RBFOX1: variants seen among roughly 807,000 people sequenced by gnomAD.
The protein encoded by RBFOX1 is RNA binding fox-1 homolog 1.
A neutral mutation model predicts 57.7 loss-of-function variants in RBFOX1; 8 were observed. The observed-to-expected ratio is 0.14, with a 90% confidence interval of 0.08 to 0.25. The LOEUF is 0.25. RBFOX1 is among the 10% of genes least tolerant of loss of function. RBFOX1 has a pLI of 1.00. For synonymous variants in RBFOX1, 326 were observed against 222.4 expected (o/e 1.47, Z -4.15); for missense variants, 611 against 548.5 (o/e 1.11, Z -1.14).
At chr16:6,206,175 G>A (rs978934743) in intron 1 of RBFOX1, among the ~76,000 whole-genome samples, 1 of 152,072 alleles carries the variant, frequency 6.6e-6, no homozygotes, top group African/African-American at 2.4e-5. Context: ...CTCCTCTCTT[G>A]CCTCTCTCCC....
chr16:5,288,450 C>G (rs927249357), intron 1 of RBFOX1, among the ~76,000 whole-genome samples: 3 of 152,098 alleles, frequency 2.0e-5, no homozygotes, highest in African/African-American at 4.8e-5. Flanking sequence ...CAGACAGGTA[C>G]TTTGCCCTTC....
intron 1 of RBFOX1, among the ~76,000 whole-genome samples, chr16:6,035,185 C>G (rs12599018): frequency 0.76 from 115,985 of 152,110 alleles, 44,365 homozygotes; most frequent in East Asian, 0.89. Flanking sequence ...TGGGGTAGAA[C>G]CTTGCCCCAC....
At chr16:7,247,408 A>G (rs976952645) in intron 4 of RBFOX1, among the ~76,000 whole-genome samples, 3 of 152,136 alleles carry the variant, frequency 2.0e-5, no homozygotes, top group African/African-American at 4.8e-5. Context: ...ATACTCCTCT[A>G]TGGTGATCTA....
intron 2 of RBFOX1, among the ~76,000 whole-genome samples, chr16:5,558,134 A>C (rs2342427): frequency 0.23 from 34,524 of 152,126 alleles, 4,221 homozygotes; most frequent in South Asian, 0.38. Context: ...CTCCCAGCCC[A>C]GGTGTGATCC....
intron 4 of RBFOX1, among the ~76,000 whole-genome samples, chr16:7,082,407 C>G (rs1489905124): frequency 6.6e-6 from 1 of 151,800 alleles, no homozygotes; most frequent in Non-Finnish European, 1.5e-5. Context: ...ATGGCACAAC[C>G]CTGCATCTAC....
intron 4 of RBFOX1, among the ~76,000 whole-genome samples, chr16:7,099,984 A>G (rs150666316): frequency 6.6e-6 from 1 of 152,066 alleles, no homozygotes; most frequent in African/African-American, 2.4e-5. Context: ...CTCAGTTCTC[A>G]TCATGGTCTG....
intron 2 of RBFOX1, among the ~76,000 whole-genome samples, chr16:6,560,188 A>G (rs1029493322): frequency 6.6e-6 from 1 of 151,688 alleles, no homozygotes; most frequent in Non-Finnish European, 1.5e-5. Context: ...AAAAAAAAAA[A>G]AAAAAAGTCA....
chr16:7,191,341 A>G (rs1326303273), intron 4 of RBFOX1, among the ~76,000 whole-genome samples: 2 of 42,230 alleles, frequency 4.7e-5, no homozygotes, highest in African/African-American at 1.9e-4. Flanking sequence ...CAAAAAAAGA[A>G]AAAAAAAAAA....
chr16:5,380,981 C>T (rs925879202), intron 1 of RBFOX1, among the ~76,000 whole-genome samples: 2 of 152,202 alleles, frequency 1.3e-5, no homozygotes, highest in Non-Finnish European at 2.9e-5. Context: ...CAATAAAGAT[C>T]TGGATTTTTT....
chr16:7,709,732 C>T (rs949711027), intron 15 of RBFOX1: 415 of 1,016,026 alleles, frequency 4.1e-4, no homozygotes, highest in Non-Finnish European at 4.6e-4. Flanking sequence ...TGGGGCAGGT[C>T]TGGGTTTTTG....
chr16:5,389,937 G>T (rs1273632835), intron 1 of RBFOX1, among the ~76,000 whole-genome samples: 2 of 152,038 alleles, frequency 1.3e-5, no homozygotes, highest in African/African-American at 4.8e-5. Flanking sequence ...ACCTTCAGGT[G>T]ATCCCCCTTC....
At chr16:5,451,717 C>T (rs956745509) in intron 1 of RBFOX1, among the ~76,000 whole-genome samples, 2 of 152,356 alleles carry the variant, frequency 1.3e-5, no homozygotes, top group Non-Finnish European at 2.9e-5. Context: ...GGCAGTGTCT[C>T]TTATCCTGTC....
chr16:6,656,631 C>CACACACACACAG (rs2098655020), intron 3 of RBFOX1, among the ~76,000 whole-genome samples: 1 of 150,244 alleles, frequency 6.7e-6, no homozygotes, highest in Non-Finnish European at 1.5e-5. Context: ...CACACACACA[C>CACACACACACAG]TTCTAGTTTT....
chr16:7,296,688 G>A (rs1603546387), intron 4 of RBFOX1, among the ~76,000 whole-genome samples: 1 of 152,292 alleles, frequency 6.6e-6, no homozygotes, highest in East Asian at 1.9e-4. Context: ...AGGCTCCCTA[G>A]CCTGTCCCTG....
chr16:5,338,502 C>G (rs1284851438), intron 1 of RBFOX1, among the ~76,000 whole-genome samples: 2 of 152,190 alleles, frequency 1.3e-5, no homozygotes, highest in Non-Finnish European at 2.9e-5. Context: ...ACCAGAGATC[C>G]TGAAGGTAAC....
chr16:5,580,802 G>C (rs1401964671), intron 2 of RBFOX1, among the ~76,000 whole-genome samples: 1 of 152,218 alleles, frequency 6.6e-6, no homozygotes, highest in Non-Finnish European at 1.5e-5. Flanking sequence ...TCCAGACCCA[G>C]GAAGCTGTAG....
At chr16:7,021,479 T>C (rs1032346308) in intron 3 of RBFOX1, among the ~76,000 whole-genome samples, 3 of 146,018 alleles carry the variant, frequency 2.1e-5, no homozygotes, top group African/African-American at 4.9e-5. Flanking sequence ...TTATATTGTA[T>C]ATATTTTATA....
At chr16:5,746,319 C>T (rs972664626) in intron 3 of RBFOX1, among the ~76,000 whole-genome samples, 4 of 152,198 alleles carry the variant, frequency 2.6e-5, no homozygotes, top group African/African-American at 9.7e-5. Flanking sequence ...TGTACCAGTA[C>T]CATGCTGTTT....
intron 4 of RBFOX1, among the ~76,000 whole-genome samples, chr16:7,419,564 A>G (rs890032957): frequency 6.6e-6 from 1 of 152,338 alleles, no homozygotes; most frequent in Admixed American, 6.5e-5. Context: ...GTTGCGGCAT[A>G]TGCAAGCTTG....
Sources: gnomAD v4.1 joint callset for allele counts (sites outside exome capture counted in the v4.1 genomes callset) on GRCh38, gnomAD v4.1.1 for gene constraint, MANE v1.5 for transcripts, NCBI Gene and HGNC (gene_info 2026-07-23, HGNC 2026-07-21) for gene names.